The following DLGAP2 variants were observed in gnomAD, a reference collection of about 807,000 sequenced individuals.
DLGAP2 encodes the protein DLG associated protein 2, also known as disks large-associated protein 2.
A neutral mutation model predicts 100.3 loss-of-function variants in DLGAP2; 26 were observed. The ratio of observed to expected loss-of-function variants is 0.26; its 90% CI spans 0.19 to 0.36. The LOEUF is 0.36. DLGAP2 is among the 10% of genes least tolerant of loss of function. The pLI, the probability that DLGAP2 is intolerant of heterozygous loss-of-function variation, is 1.00. For synonymous variants in DLGAP2, 886 were observed against 630.1 expected, an observed-to-expected ratio of 1.41 and a Z score of -6.08; for missense variants, 1,858 against 1,453.2, an observed-to-expected ratio of 1.28 and a Z score of -4.53.
intron 1 of DLGAP2, among the ~76,000 whole-genome samples, chr8:890,936 G>A (rs936834516): frequency 6.6e-6 from 1 of 152,136 alleles, no homozygotes; most frequent in East Asian, 1.9e-4. Context: ...CCACCCGGCT[G>A]TGCCCCTTAC....
At chr8:1,105,705 G>T (rs1461191325) in intron 2 of DLGAP2, among the ~76,000 whole-genome samples, 25 of 149,602 alleles carry the variant, frequency 1.7e-4, no homozygotes, top group African/African-American at 5.7e-4. Context: ...ACTGAAGGGG[G>T]CCGTTCTAAG....
At position 800,513 on chromosome 8, in the gene DLGAP2, G is replaced by A. The variant is rs116982532; in HGVS notation, c.18+62688G>A. ...GGAGACTCTAACCCACAGCTGGGCC[G>A]GGGCCTGTGTCCTGCTGCCTTGGGA... On this transcript the variant is annotated intron_variant, in intron 1 of 14. Coordinates refer to ENST00000637795, the MANE Select transcript of DLGAP2 (RefSeq NM_001346810.2). 6.5e-3 allele frequency among the ~76,000 whole-genome samples: 986 copies of A among 152,296 alleles called. 4 individuals are homozygous for A. Among genetic ancestry groups the A allele is most frequent in the Non-Finnish European group, 8.0e-3 (547 of 68,028 alleles).
intron 1 of DLGAP2, among the ~76,000 whole-genome samples, chr8:781,371 T>C (rs1821682415): frequency 6.6e-6 from 1 of 152,218 alleles, no homozygotes; most frequent in African/African-American, 2.4e-5. Flanking sequence ...AAGCTATTCA[T>C]GGAAGGGTTA....
chr8:855,498 A>G (rs141394608), intron 1 of DLGAP2, among the ~76,000 whole-genome samples: 23 of 152,246 alleles, frequency 1.5e-4, no homozygotes, highest in South Asian at 1.0e-3. Flanking sequence ...AGAGAAAACA[A>G]TTTCAAGAAG....
At chr8:895,426 G>A (rs1045676572) in intron 1 of DLGAP2, among the ~76,000 whole-genome samples, 2 of 152,112 alleles carry the variant, frequency 1.3e-5, no homozygotes, top group Admixed American at 6.5e-5. Context: ...CTCTGTTTCC[G>A]GGGAGCAGGG....
chr8:1,454,378 T>C (rs1798246920), intron 3 of DLGAP2, among the ~76,000 whole-genome samples: 1 of 151,914 alleles, frequency 6.6e-6, no homozygotes, highest in Non-Finnish European at 1.5e-5. Context: ...ATCTTTTCTC[T>C]ACACTGAAAC....
chr8:945,260 C>T (rs1293992615), intron 2 of DLGAP2, among the ~76,000 whole-genome samples: 2 of 152,202 alleles, frequency 1.3e-5, no homozygotes, highest in African/African-American at 4.8e-5. Context: ...CCCTTCCCTG[C>T]ACTCCTGTCT....
chr8:1,613,640 G>C (rs1797055490), intron 6 of DLGAP2, among the ~76,000 whole-genome samples: 1 of 152,082 alleles, frequency 6.6e-6, no homozygotes, highest in African/African-American at 2.4e-5. Flanking sequence ...CTTCATAAAT[G>C]ATGCCCAGAA....
intron 14 of DLGAP2, among the ~76,000 whole-genome samples, 154 bp downstream of exon 14, chr8:1,697,453 C>A (rs547761752): frequency 6.6e-6 from 1 of 152,154 alleles, no homozygotes; most frequent in Non-Finnish European, 1.5e-5. Flanking sequence ...CATGTGTATA[C>A]GCACATGTGT....
chr8:788,573 CA>C (rs1260703367), intron 1 of DLGAP2, among the ~76,000 whole-genome samples: 27 of 152,234 alleles, frequency 1.8e-4, no homozygotes, highest in Non-Finnish European at 3.7e-4. Context: ...AAATAACCTA[CA>C]CCTTTGATAA....
intron 1 of DLGAP2, among the ~76,000 whole-genome samples, chr8:855,459 A>T (rs1286259130): frequency 6.6e-6 from 1 of 152,204 alleles, no homozygotes; most frequent in East Asian, 1.9e-4. Context: ...AGGCAGGAGA[A>T]TCAGGAGGCT....
At chr8:1,591,359 G>A (rs533810984) in intron 6 of DLGAP2, among the ~76,000 whole-genome samples, 3 of 152,170 alleles carry the variant, frequency 2.0e-5, no homozygotes, top group Non-Finnish European at 4.4e-5. Context: ...GGAGAAAGAA[G>A]GCTCTTGACT....
rs552390918 is a variant in DLGAP2, at chr8:1,323,806, G to A, written c.106+64923G>A. On this transcript the variant is annotated intron_variant, in intron 3 of 14. Transcript: ENST00000637795. ...ATCTTTGAAGAAAGAGTTTCACATC[G>A]TGTTTCCTTTCCTAACCACCTGTTC... is the stretch of plus-strand genomic sequence containing the variant. Among the ~76,000 whole-genome samples the A allele has an allele frequency of 1.5e-3, 224 of 152,244 alleles. 1 individual carries two copies. The highest frequency in any genetic ancestry group is 2.1e-3 in the Non-Finnish European group (143 of 68,022).
chr8:948,915 C>T (rs1443874289), intron 2 of DLGAP2, among the ~76,000 whole-genome samples: 1 of 150,712 alleles, frequency 6.6e-6, no homozygotes, highest in Admixed American at 6.7e-5. Flanking sequence ...GCGTGACTGC[C>T]GCCATCTTGG....
chr8:798,210 T>G, intron 1 of DLGAP2, among the ~76,000 whole-genome samples: 1 of 152,186 alleles, frequency 6.6e-6, no homozygotes, highest in East Asian at 1.9e-4. Flanking sequence ...GCCCTGGCAC[T>G]GGCCAGGTGA....
intron 2 of DLGAP2, among the ~76,000 whole-genome samples, chr8:1,050,586 A>G (rs1802649389): frequency 6.6e-6 from 1 of 152,218 alleles, no homozygotes; most frequent in Non-Finnish European, 1.5e-5. Flanking sequence ...CTGTCCCTGA[A>G]TGCAGGAACT....
intron 4 of DLGAP2, among the ~76,000 whole-genome samples, chr8:1,546,893 C>A (rs1166381208): frequency 6.6e-6 from 1 of 152,102 alleles, no homozygotes; most frequent in Non-Finnish European, 1.5e-5. Context: ...CCAGGAGAGG[C>A]AGGTATTGGA....
intron 2 of DLGAP2, among the ~76,000 whole-genome samples, chr8:1,237,483 T>A (rs1329786231): frequency 8.1e-4 from 119 of 147,566 alleles, no homozygotes; most frequent in Non-Finnish European, 1.6e-3. Context: ...CGTGTCTAGT[T>A]CTCTCTCACA....
intron 4 of DLGAP2, among the ~76,000 whole-genome samples, chr8:1,534,021 C>T (rs1347290601): frequency 6.6e-6 from 1 of 152,142 alleles, no homozygotes; most frequent in East Asian, 1.9e-4. Context: ...TATTAAAAGT[C>T]AAATGTTTTA....
Sources: gnomAD v4.1 joint callset for allele counts (sites outside exome capture counted in the v4.1 genomes callset) on GRCh38, gnomAD v4.1.1 for gene constraint, MANE v1.5 for transcripts, NCBI Gene and HGNC (gene_info 2026-07-23, HGNC 2026-07-21) for gene names.